The following DOCK1 variants were observed in gnomAD, a reference collection of about 807,000 sequenced individuals.
DOCK1 encodes the protein dedicator of cytokinesis 1.
In DOCK1, 138 loss-of-function variants were observed where a neutral mutation model predicts 262.7. The ratio of observed to expected loss-of-function variants is 0.53; its 90% CI spans 0.46 to 0.61. The LOEUF (loss-of-function observed/expected upper bound fraction) is 0.61. Ranked by LOEUF, DOCK1 falls within the 20% of genes least tolerant of loss-of-function variation. The pLI, the probability that DOCK1 is intolerant of heterozygous loss-of-function variation, is 0.00. For synonymous variants in DOCK1, 866 were observed against 867.4 expected (o/e 1.00, Z 0.03); for missense variants, 1,908 against 2,370.7 (o/e 0.80, Z 4.05).
intron 27 of DOCK1, among the ~76,000 whole-genome samples, chr10:127,165,492 T>C (rs1241299767): frequency 6.6e-6 from 1 of 152,226 alleles, no homozygotes; most frequent in African/African-American, 2.4e-5. Context: ...ACTGCCTTTT[T>C]GGTTGAAGGA....
At chr10:127,018,982 T>C in intron 13 of DOCK1, 147 bp downstream of exon 13, 11 of 1,232,582 alleles carry the variant, frequency 8.9e-6, no homozygotes, top group Admixed American at 2.8e-5. Flanking sequence ...AGCATGGTTA[T>C]GGATCATGGG....
At chr10:127,276,063 A>C (rs949913960) in intron 29 of DOCK1, among the ~76,000 whole-genome samples, 4 of 152,186 alleles carry the variant, frequency 2.6e-5, no homozygotes, top group Non-Finnish European at 5.9e-5. Context: ...ACTCATGCTA[A>C]ATCATCCTCC....
At chr10:126,979,964 T>A (rs191654999) in intron 3 of DOCK1, among the ~76,000 whole-genome samples, 11 of 152,242 alleles carry the variant, frequency 7.2e-5, no homozygotes, top group African/African-American at 2.6e-4. Context: ...TCCTGTGGCT[T>A]CATGATTCTC....
At chr10:127,217,672 A>G (rs942571242) in intron 27 of DOCK1, among the ~76,000 whole-genome samples, 9 of 152,260 alleles carry the variant, frequency 5.9e-5, no homozygotes, top group African/African-American at 1.7e-4. Flanking sequence ...ATCTTGAAGA[A>G]TAAGGTTGTC....
intron 29 of DOCK1, among the ~76,000 whole-genome samples, chr10:127,277,219 C>T (rs940634397): frequency 4.0e-5 from 6 of 150,520 alleles, no homozygotes; most frequent in Non-Finnish European, 8.9e-5. Context: ...AGCATTTTAT[C>T]CTATACAATT....
chr10:127,294,968 A>G (rs1160175748), intron 29 of DOCK1, among the ~76,000 whole-genome samples: 11 of 152,180 alleles, frequency 7.2e-5, no homozygotes, highest in Admixed American at 7.2e-4. Context: ...AAATAAGGAT[A>G]GCACATATAG....
chr10:127,334,549 A>G lies in DOCK1; in HGVS notation c.3045-4457A>G, dbSNP rs566289253. Among the ~76,000 whole-genome samples the G allele has an allele frequency of 5.3e-5, 8 of 152,242 alleles. No homozygotes were observed. The South Asian group carries it at 1.2e-3, about 24-fold the overall frequency. ...GAATCAATTACCAAGAAGAGATAACATTTCTCTCCATTGAGCCATTAAAAA... is the reference window on the plus strand; with the variant it reads ...GAATCAATTACCAAGAAGAGATAACGTTTCTCTCCATTGAGCCATTAAAAA... On this transcript the variant is annotated intron_variant, in intron 29 of 51. Coordinates refer to ENST00000623213, the MANE Select transcript of DOCK1 (RefSeq NM_001290223.2).
At chr10:127,268,995 T>C (rs1293853781) in intron 29 of DOCK1, among the ~76,000 whole-genome samples, 1 of 152,070 alleles carries the variant, frequency 6.6e-6, no homozygotes, top group East Asian at 1.9e-4. Flanking sequence ...TCTCTACCTC[T>C]CCCAGCCAGA....
intron 23 of DOCK1, among the ~76,000 whole-genome samples, chr10:127,075,301 T>C (rs897460190): frequency 2.0e-5 from 3 of 151,428 alleles, no homozygotes; most frequent in Non-Finnish European, 4.4e-5. Flanking sequence ...TGAGACCGAG[T>C]CTCACTGTCA....
chr10:127,175,144 G>T lies in DOCK1; in HGVS notation c.2847+47380G>T. 7.4e-7 allele frequency: 1 copy of T among 1,356,138 alleles called. No homozygotes were observed. Among genetic ancestry groups the T allele is most frequent in the South Asian group, 1.4e-5 (1 of 74,006 alleles). The allele number at this position is 1,356,138 out of a possible 1,614,324, so 84.0% of individuals were successfully genotyped here. A position where few individuals can be genotyped will look rare whatever the true frequency, so the allele number is the denominator to read the frequency against. ...TTAGTCTCATTACAGACTTGGGTTT[G>T]GGGCTACAGATGGACTCTGTGGTGA... On this transcript the variant is annotated intron_variant, in intron 27 of 51. Coordinates refer to ENST00000623213, the MANE Select transcript of DOCK1 (RefSeq NM_001290223.2). This position sits in a 1 kb window ranked among gnomAD's most constrained non-coding sequence, Gnocchi z 6.3.
In DOCK1 at chr10:127,130,096, T is replaced by TC. The variant is rs751135043; in HGVS notation, c.2847+2336dup. On this transcript the variant is annotated intron_variant, in intron 27 of 51. Coordinates refer to ENST00000623213, the MANE Select transcript of DOCK1 (RefSeq NM_001290223.2). Reference sequence around the variant, plus strand: ...TTTTTTTTTTTTTTTTTTTTTTTTTTCCCCTGAGATAGAGTCTTGCTCTGT... The same window carrying TC: ...TTTTTTTTTTTTTTTTTTTTTTTTTTCCCCCTGAGATAGAGTCTTGCTCTGT... Among the ~76,000 whole-genome samples the TC allele has an allele frequency of 3.5e-3, 444 of 127,456 alleles. 11 individuals are homozygous for TC. The highest frequency in any genetic ancestry group is 8.8e-3 in the African/African-American group (272 of 30,828). 83.6% of individuals were successfully genotyped at this position (127,456 alleles called of 152,430 possible).
At chr10:127,189,967 T>C (rs1425624855) in intron 27 of DOCK1, among the ~76,000 whole-genome samples, 1 of 152,224 alleles carries the variant, frequency 6.6e-6, no homozygotes, top group African/African-American at 2.4e-5. Flanking sequence ...GACATCTCCT[T>C]CTCTCATGCT....
intron 27 of DOCK1, among the ~76,000 whole-genome samples, chr10:127,168,383 C>T (rs1287739100): frequency 4.6e-5 from 7 of 152,248 alleles, no homozygotes. Context: ...CACAGGAGAG[C>T]ATTTGGCAGC....
chr10:127,412,434 T>G (rs948251480), intron 43 of DOCK1, among the ~76,000 whole-genome samples: 1 of 152,198 alleles, frequency 6.6e-6, no homozygotes, highest in Non-Finnish European at 1.5e-5. Context: ...GCCATAATTT[T>G]TTTAAAATGT....
intron 27 of DOCK1, among the ~76,000 whole-genome samples, chr10:127,219,570 C>T (rs1327525969): frequency 6.6e-6 from 1 of 152,152 alleles, no homozygotes; most frequent in Admixed American, 6.5e-5. Context: ...TTGTGCATGA[C>T]TAAATTCCAG....
At chr10:127,006,603 G>A (rs928692576) in intron 10 of DOCK1, among the ~76,000 whole-genome samples, 2 of 152,324 alleles carry the variant, frequency 1.3e-5, no homozygotes, top group African/African-American at 2.4e-5. Flanking sequence ...CCTGGGAAGC[G>A]CGATGAGCGG....
chr10:127,451,679 G>A lies in DOCK1; in HGVS notation c.*252G>A. 1.4e-6 allele frequency: 1 copy of A among 695,002 alleles called. No individual in the cohort carries two copies. Among genetic ancestry groups the A allele is most frequent in the Non-Finnish European group, 2.2e-6 (1 of 458,300 alleles). 43.1% of individuals were successfully genotyped at this position (695,002 alleles called of 1,614,324 possible). A position where few individuals can be genotyped will look rare whatever the true frequency, so the allele number is the denominator to read the frequency against. On this transcript the variant is annotated 3_prime_UTR_variant, in exon 52 of 52. Transcript: ENST00000623213. ...GTAGTTATCAGAGTTGGGGGCCTCT[G>A]AGTGTGTCTGGCTCTGAGAGAGTCT...
At chr10:126,949,894 A>G (rs1164290905) in intron 1 of DOCK1, among the ~76,000 whole-genome samples, 1 of 151,834 alleles carries the variant, frequency 6.6e-6, no homozygotes, top group Non-Finnish European at 1.5e-5. Flanking sequence ...TCTCGATGGG[A>G]GGGCTGTGCT....
chr10:127,339,224 A>G (rs1205964222), intron 30 of DOCK1, 140 bp downstream of exon 30: 3 of 724,410 alleles, frequency 4.1e-6, no homozygotes, highest in East Asian at 5.4e-5. Context: ...AATTTGTAGT[A>G]TGTACTATTG....
Sources: gnomAD v4.1 joint callset for allele counts (sites outside exome capture counted in the v4.1 genomes callset) on GRCh38, gnomAD v4.1.1 for gene constraint, Gnocchi (gnomAD v3.1) non-coding constraint, MANE v1.5 for transcripts, NCBI Gene and HGNC (gene_info 2026-07-23, HGNC 2026-07-21) for gene names.